PLCB1: variants seen among roughly 807,000 people sequenced by gnomAD.
PLCB1 encodes 1-phosphatidylinositol 4,5-bisphosphate phosphodiesterase beta-1.
A neutral mutation model predicts 161.8 loss-of-function variants in PLCB1; 46 were observed. The ratio of observed to expected loss-of-function variants is 0.28; its 90% CI spans 0.22 to 0.36. The LOEUF is 0.36. PLCB1 is among the 10% of genes least tolerant of loss of function. The probability of loss-of-function intolerance (pLI) is 1.00; values close to 1 mark genes in which losing one functional copy is unlikely to be tolerated. For synonymous variants in PLCB1, 517 were observed against 503.7 expected (o/e 1.03, Z -0.35); for missense variants, 1,016 against 1,472.5 (o/e 0.69, Z 5.07).
At chr20:8,351,468 T>A (rs1986174870) in intron 2 of PLCB1, among the ~76,000 whole-genome samples, 1 of 152,042 alleles carries the variant, frequency 6.6e-6, no homozygotes, top group South Asian at 2.1e-4. Flanking sequence ...GCATAATCCA[T>A]GAAAGAAAAT....
rs566339404 is a variant in PLCB1 at position 8,660,137 on chromosome 20, T to C, written c.862+1433T>C. Among the ~76,000 whole-genome samples the C allele has an allele frequency of 1.1e-4, 16 of 152,280 alleles. No individual in the cohort carries two copies. In the East Asian group the frequency reaches 3.1e-3, roughly 29 times the overall value. ...TTCTTGGTGAAGAACTTTGCCTTTG[T>C]TGTTGTTATCATTTTCACTGATGCT... On this transcript the variant is annotated intron_variant, in intron 9 of 31. Coordinates refer to ENST00000338037, the MANE Select transcript of PLCB1 (RefSeq NM_015192.4).
intron 3 of PLCB1, among the ~76,000 whole-genome samples, chr20:8,469,653 C>T (rs1981967900): frequency 6.6e-6 from 1 of 152,080 alleles, no homozygotes; most frequent in African/African-American, 2.4e-5. Context: ...GACCAAAATT[C>T]TTATAAAAAT....
chr20:8,170,105 T>G (rs904171366), intron 2 of PLCB1, among the ~76,000 whole-genome samples: 1 of 152,190 alleles, frequency 6.6e-6, no homozygotes, highest in Non-Finnish European at 1.5e-5. Context: ...TTCATCCCTG[T>G]GTACCCATCT....
chr20:8,337,810 G>C (rs1310992182), intron 2 of PLCB1, among the ~76,000 whole-genome samples: 1 of 152,068 alleles, frequency 6.6e-6, no homozygotes, highest in African/African-American at 2.4e-5. Context: ...TTATCTTCTT[G>C]GTAAGTTAAC....
At chr20:8,644,400 G>C (rs1472467085) in intron 4 of PLCB1, among the ~76,000 whole-genome samples, 1 of 141,650 alleles carries the variant, frequency 7.1e-6, no homozygotes, top group East Asian at 2.0e-4. Flanking sequence ...GAGCGTCTCT[G>C]CCCGGCCACC....
At position 8,692,539 on chromosome 20, in the gene PLCB1, T is replaced by C. The variant is rs142538284; in HGVS notation, c.1010-5087T>C. On this transcript the variant is annotated intron_variant, in intron 10 of 31. Coordinates refer to ENST00000338037, the MANE Select transcript of PLCB1 (RefSeq NM_015192.4). ...TGTAGATAAATTAAAACAGCCAGGG[T>C]TCTTGTGGCTGAAAGTAATAGGATG... Among the ~76,000 whole-genome samples, 510 of 152,284 alleles carry C rather than the reference T, an allele frequency of 3.3e-3. 4 individuals are homozygous for C. The highest frequency in any genetic ancestry group is 0.012 in the African/African-American group (486 of 41,542).
intron 3 of PLCB1, among the ~76,000 whole-genome samples, chr20:8,457,467 C>A (rs1390618811): frequency 6.6e-6 from 1 of 152,060 alleles, no homozygotes; most frequent in Non-Finnish European, 1.5e-5. Flanking sequence ...AATGTTTAGG[C>A]CTGCAGCAAC....
chr20:8,628,636 T>G (rs1389878201), intron 4 of PLCB1: 1 of 565,526 alleles, frequency 1.8e-6, no homozygotes, highest in African/African-American at 1.9e-5. Context: ...ATTTTTTTCA[T>G]AAAGAATAAG....
intron 2 of PLCB1, among the ~76,000 whole-genome samples, chr20:8,276,962 CTTCTTCTTCTTCTTCTTCTTCTTCTTA>C (rs1223834154): frequency 7.2e-5 from 9 of 125,480 alleles, no homozygotes; most frequent in South Asian, 2.7e-4. Flanking sequence ...TCTTCTTCTT[CTTCTTCTTCTTCTTCTTCTTCTTCTTA>C]TTATTATTAT....
At chr20:8,780,568 C>A (rs1568596952) in intron 27 of PLCB1, among the ~76,000 whole-genome samples, 2 of 152,178 alleles carry the variant, frequency 1.3e-5, no homozygotes, top group Non-Finnish European at 2.9e-5. Context: ...GTTCTTCTTA[C>A]AATCCTCATG....
chr20:8,759,125 G>T (rs914838799), intron 24 of PLCB1, among the ~76,000 whole-genome samples: 1 of 152,190 alleles, frequency 6.6e-6, no homozygotes, highest in Non-Finnish European at 1.5e-5. Flanking sequence ...TACTTTGGAA[G>T]AACTCTGGTC....
chr20:8,233,582 CTCT>C (rs1980178414), intron 2 of PLCB1, among the ~76,000 whole-genome samples: 1 of 152,250 alleles, frequency 6.6e-6, no homozygotes, highest in South Asian at 2.1e-4. Flanking sequence ...AAAAGGTACA[CTCT>C]TCTAAATAGT....
intron 2 of PLCB1, among the ~76,000 whole-genome samples, chr20:8,341,342 C>T (rs1985802567): frequency 6.6e-6 from 1 of 152,102 alleles, no homozygotes; most frequent in Non-Finnish European, 1.5e-5. Flanking sequence ...CAACACACTC[C>T]ATTATAACTG....
intron 26 of PLCB1, among the ~76,000 whole-genome samples, chr20:8,768,042 C>T (rs1338044258): frequency 6.6e-6 from 1 of 151,914 alleles, no homozygotes; most frequent in Non-Finnish European, 1.5e-5. Flanking sequence ...TGGTGGCACA[C>T]ACCTGTAATC....
chr20:8,329,859 C>G lies in PLCB1; in HGVS notation c.178-41523C>G, dbSNP rs111793449. Among the ~76,000 whole-genome samples the G allele has an allele frequency of 3.0e-3, 453 of 152,154 alleles. 4 individuals are homozygous for G. The highest frequency in any genetic ancestry group is 0.01 in the African/African-American group (428 of 41,508). ...TTTAGTCTAGCAACCTCATGAGGAC[C>G]CCGTCTTATGATTGCATGAACTCTC... On this transcript the variant is annotated intron_variant, in intron 2 of 31. Transcript: ENST00000338037.
At chr20:8,384,521 T>C (rs117369094) in intron 3 of PLCB1, among the ~76,000 whole-genome samples, 1,958 of 152,228 alleles carry the variant, frequency 0.013, 16 homozygotes, top group South Asian at 0.021. Context: ...AGCCTACTTC[T>C]GTCAGTTCGT....
At chr20:8,493,012 A>G (rs1983011493) in intron 3 of PLCB1, among the ~76,000 whole-genome samples, 1 of 152,064 alleles carries the variant, frequency 6.6e-6, no homozygotes, top group Admixed American at 6.6e-5. Context: ...TCACCTTCTT[A>G]TCTCCAGCTG....
intron 9 of PLCB1, among the ~76,000 whole-genome samples, chr20:8,680,560 A>AT (rs1193049465): frequency 1.3e-5 from 2 of 152,150 alleles, no homozygotes; most frequent in African/African-American, 4.8e-5. Context: ...TGAAAAGTTG[A>AT]TCCCTGGTTC....
chr20:8,495,813 A>G (rs777030686), intron 3 of PLCB1, among the ~76,000 whole-genome samples: 5 of 151,828 alleles, frequency 3.3e-5, no homozygotes, highest in Non-Finnish European at 5.9e-5. Context: ...TCTCTATTCC[A>G]TCCTTTCTGC....
Sources: gnomAD v4.1 joint callset for allele counts (sites outside exome capture counted in the v4.1 genomes callset) on GRCh38, gnomAD v4.1.1 for gene constraint, MANE v1.5 for transcripts, NCBI Gene and HGNC (gene_info 2026-07-23, HGNC 2026-07-21) for gene names.